The following CNGA3 variants were observed in gnomAD, a reference collection of about 807,000 sequenced individuals.
CNGA3 encodes cyclic nucleotide gated channel subunit alpha 3.
A neutral mutation model predicts 46.6 loss-of-function variants in CNGA3; 42 were observed. The observed-to-expected ratio is 0.90, with a 90% CI of 0.70 to 1.17. CNGA3 has a LOEUF of 1.17. CNGA3 is among the 50% of genes most tolerant of loss of function. CNGA3 has a pLI of 0.00. For missense variants in CNGA3, 893 were observed against 890.7 expected (o/e 1.00, Z -0.03); for synonymous variants, 394 against 369.4 (o/e 1.07, Z -0.76).
Position 98,396,051 on chromosome 2 carries a change from G to A in CNGA3, c.881G>A (p.Arg294Lys). 2.5e-6 allele frequency: 4 copies of A among 1,614,188 alleles called. No individual in the cohort carries two copies. The highest frequency in any genetic ancestry group is 3.4e-6 in the Non-Finnish European group (4 of 1,180,032). The change falls in exon 8 of 8, where the codon AGG becomes AAG. Residue 294 changes from arginine to lysine, a missense_variant. Physicochemically the swap from Arg to Lys is conservative, Grantham distance 26. Transcript: ENST00000272602. ...GAATTCTTTGACCGCACAGAGACAAGGACCAACTACCCCAATATGTTCAGG... is the reference window on the plus strand; with the variant it reads ...GAATTCTTTGACCGCACAGAGACAAAGACCAACTACCCCAATATGTTCAGG... ...LFEFFDRTET[R>K]TNYPNMFRIG...
chr2:98,380,518 C>T (rs1306663252), intron 4 of CNGA3, among the ~76,000 whole-genome samples, 164 bp downstream of exon 4: 1 of 152,200 alleles, frequency 6.6e-6, no homozygotes, highest in East Asian at 1.9e-4. Flanking sequence ...GCACTACATG[C>T]TCTAACAGCC....
intron 1 of CNGA3, among the ~76,000 whole-genome samples, chr2:98,354,733 G>A (rs534877350): frequency 9.2e-5 from 14 of 152,194 alleles, no homozygotes; most frequent in East Asian, 3.9e-4. Flanking sequence ...TGCAGTGAGC[G>A]GTAATCAAAC....
At chr2:98,380,379 G>A in intron 4 of CNGA3, 25 bp downstream of exon 4, 3 of 1,605,138 alleles carry the variant, frequency 1.9e-6, no homozygotes, top group Non-Finnish European at 1.7e-6. Flanking sequence ...AGAAGAAGGG[G>A]CCTCTGGTGC....
At position 98,396,332 on chromosome 2, in the gene CNGA3, GGTGTTCT is replaced by G; in HGVS notation, c.1164_1170del (p.Val389PhefsTer12). 1 of 1,611,780 alleles carries G rather than the reference GGTGTTCT, an allele frequency of 6.2e-7. No individual in the cohort carries two copies. Among genetic ancestry groups the G allele is most frequent in the South Asian group, 1.1e-5 (1 of 91,026 alleles). On this transcript the variant is annotated frameshift_variant, in exon 8 of 8. Coordinates refer to ENST00000272602, the MANE Select transcript of CNGA3 (RefSeq NM_001298.3). LOFTEE classifies it high-confidence loss of function. ...CTTTGTGGTCGTAGACTTCTTGGTG[GGTGTTCT>G]GATTTTTGCCACCATTGTGGGCAAT...
At chr2:98,384,414 G>C (rs1470579000) in intron 5 of CNGA3, among the ~76,000 whole-genome samples, 2 of 152,192 alleles carry the variant, frequency 1.3e-5, no homozygotes, top group African/African-American at 2.4e-5. Flanking sequence ...CTATATCAGT[G>C]AGAAATGCCG....
chr2:98,352,462 G>A (rs967378778), intron 1 of CNGA3, among the ~76,000 whole-genome samples: 1 of 152,164 alleles, frequency 6.6e-6, no homozygotes, highest in African/African-American at 2.4e-5. Context: ...CTGCCCAGCT[G>A]TTCTCCAAAG....
chr2:98,369,909 T>C (rs1054257562), intron 1 of CNGA3, 30 bp from the exon 2 acceptor site: 13 of 1,395,862 alleles, frequency 9.3e-6, no homozygotes, highest in Non-Finnish European at 1.1e-5. Context: ...CCTGTCCTGA[T>C]GACGTGTCTG....
rs926187497 is a variant in CNGA3 at position 98,377,910 on chromosome 2, A to G, written c.215+110A>G. ...GATGGGGGTGGAGTTGAAGATTTGG[A>G]AAAGAAAGGGTCAGGAGCAGAGCAG... On this transcript the variant is annotated intron_variant, in intron 3 of 7. Coordinates refer to ENST00000272602, the MANE Select transcript of CNGA3 (RefSeq NM_001298.3). The G allele has an allele frequency of 1.4e-5, 18 of 1,315,070 alleles. No individual in the cohort carries two copies. The South Asian group carries it at 2.6e-4, about 19-fold the overall frequency. 81.5% of individuals were successfully genotyped at this position (1,315,070 alleles called of 1,614,324 possible).
chr2:98,346,666 G>A (rs943568670), intron 1 of CNGA3, 132 bp downstream of exon 1: 1 of 390,516 alleles, frequency 2.6e-6, no homozygotes, highest in Non-Finnish European at 4.5e-6. Context: ...GCTTCCAGGG[G>A]CGGGCGCGGC....
rs1457883539 is a variant in CNGA3, at chr2:98,396,737, A to G, written c.1567A>G (p.Asn523Asp). The change falls in exon 8 of 8, where the codon AAC becomes GAC. Residue 523 changes from asparagine to aspartate, a missense_variant. By Grantham distance (23) the Asn-to-Asp change is conservative. This residue lies in a region of CNGA3 where 548 missense variants were observed against 570.8 expected (regional missense o/e 0.96). Transcript: ENST00000272602. ...GDIGKEMYII[N>D]EGKLAVVADD... The stretch of plus-strand genomic sequence containing the variant: ...TATTGGGAAGGAGATGTACATCATC[A>G]ACGAGGGCAAGCTGGCCGTGGTGGC... 14 of 1,614,176 alleles carry G rather than the reference A, an allele frequency of 8.7e-6. No individual in the cohort carries two copies. The highest frequency in any genetic ancestry group is 1.1e-5 in the Non-Finnish European group (13 of 1,180,030).
At chr2:98,388,507 G>A (rs1000019826) in intron 5 of CNGA3, among the ~76,000 whole-genome samples, 4 of 152,216 alleles carry the variant, frequency 2.6e-5, no homozygotes, top group Non-Finnish European at 5.9e-5. Context: ...CCAGCAGGCT[G>A]CAGACCATGC....
At chr2:98,373,523 A>G (rs1024845526) in intron 2 of CNGA3, among the ~76,000 whole-genome samples, 3 of 152,188 alleles carry the variant, frequency 2.0e-5, no homozygotes, top group African/African-American at 7.2e-5. Flanking sequence ...CCCTGCCCCA[A>G]GGTCTTTTCA....
chr2:98,349,314 T>C (rs1418960378), intron 1 of CNGA3, among the ~76,000 whole-genome samples: 1 of 152,062 alleles, frequency 6.6e-6, no homozygotes, highest in African/African-American at 2.4e-5. Context: ...GGTGAGTAAT[T>C]TGGCTTAGAT....
At chr2:98,379,847 G>A in intron 3 of CNGA3, 1 of 426,218 alleles carries the variant, frequency 2.3e-6, no homozygotes, top group Non-Finnish European at 4.4e-6. Flanking sequence ...AAAGGAGTGA[G>A]CTAATCCCCC....
chr2:98,392,036 A>G (rs1692802767), intron 7 of CNGA3, 66 bp downstream of exon 7: 2 of 1,391,180 alleles, frequency 1.4e-6, no homozygotes, highest in Non-Finnish European at 2.0e-6. Context: ...GAGACCCAGC[A>G]TGGTGGATGG....
chr2:98,355,691 T>C (rs1691864891), intron 1 of CNGA3: 1 of 152,276 alleles, frequency 6.6e-6, no homozygotes, highest in Non-Finnish European at 1.5e-5. Flanking sequence ...ATCAAAGTTA[T>C]CAAATACTTT....
intron 5 of CNGA3, among the ~76,000 whole-genome samples, chr2:98,388,670 C>A (rs13003266): frequency 6.6e-6 from 1 of 152,258 alleles, no homozygotes; most frequent in African/African-American, 2.4e-5. Context: ...ATGTGCCCCC[C>A]ACCCGAAGCA....
At chr2:98,387,572 A>G (rs1343941410) in intron 5 of CNGA3, among the ~76,000 whole-genome samples, 3 of 152,248 alleles carry the variant, frequency 2.0e-5, no homozygotes, top group Admixed American at 6.5e-5. Context: ...AAGAAGAGGC[A>G]GCAGTGTGAA....
At chr2:98,381,498 A>G (rs1326179169) in intron 4 of CNGA3, among the ~76,000 whole-genome samples, 1 of 152,114 alleles carries the variant, frequency 6.6e-6, no homozygotes, top group Non-Finnish European at 1.5e-5. Flanking sequence ...GGGAACGTCC[A>G]TTTTCATTCC....
Sources: allele counts gnomAD v4.1 joint callset (sites outside exome capture counted in the v4.1 genomes callset), GRCh38; gene constraint gnomAD v4.1.1; regional missense constraint gnomAD v4.1.1; transcripts MANE v1.5; gene names NCBI Gene and HGNC (gene_info 2026-07-23, HGNC 2026-07-21).